Variants in NEDD4 observed in about 807,000 individuals in gnomAD.
The protein encoded by NEDD4 is NEDD4 E3 ubiquitin protein ligase.
In NEDD4, 99 loss-of-function variants were observed where a neutral mutation model predicts 144.9. That is an observed-to-expected ratio of 0.68 (90% CI 0.58 to 0.81). The LOEUF is 0.81. Among genes scored for constraint, NEDD4 ranks in the 30% least tolerant of loss-of-function variants. The pLI, the probability that NEDD4 is intolerant of heterozygous loss-of-function variation, is 0.00. For missense variants in NEDD4, 985 were observed against 1,065.9 expected (o/e 0.92, Z 1.06); for synonymous variants, 318 against 350.6 (o/e 0.91, Z 1.04).
intron 1 of NEDD4, among the ~76,000 whole-genome samples, chr15:55,985,085 G>C (rs2037868277): frequency 6.6e-6 from 1 of 152,194 alleles, no homozygotes; most frequent in Non-Finnish European, 1.5e-5. Flanking sequence ...GTAAGTGACA[G>C]GGCCAGAATT....
intron 5 of NEDD4, chr15:55,915,712 A>C: frequency 6.2e-7 from 1 of 1,614,014 alleles, no homozygotes; most frequent in Non-Finnish European, 8.5e-7. Flanking sequence ...GAAACACAAG[A>C]ATATCCTTCA....
At chr15:55,917,020 C>T in intron 5 of NEDD4, 1 of 1,319,576 alleles carries the variant, frequency 7.6e-7, no homozygotes, top group Non-Finnish European at 9.6e-7. Flanking sequence ...AAAAAGACGA[C>T]CCATTCCAGA....
chr15:55,859,262 G>A (rs2034310872), intron 11 of NEDD4, among the ~76,000 whole-genome samples: 1 of 152,188 alleles, frequency 6.6e-6, no homozygotes, highest in Admixed American at 6.5e-5. Flanking sequence ...AGCATATGCT[G>A]GGATACTTTA....
At chr15:55,906,936 AAAT>A (rs2036120673) in intron 5 of NEDD4, among the ~76,000 whole-genome samples, 1 of 151,856 alleles carries the variant, frequency 6.6e-6, no homozygotes, top group Non-Finnish European at 1.5e-5. Context: ...TCTCTACTAA[AAAT>A]AAAAAAATTA....
chr15:55,857,799 G>A (rs1326630627), intron 11 of NEDD4, among the ~76,000 whole-genome samples: 1 of 152,022 alleles, frequency 6.6e-6, no homozygotes, highest in East Asian at 1.9e-4. Flanking sequence ...ATTAGCAGGG[G>A]TACAATGGCA....
At chr15:55,878,899 T>G (rs1163284388) in intron 5 of NEDD4, among the ~76,000 whole-genome samples, 1 of 152,258 alleles carries the variant, frequency 6.6e-6, no homozygotes, top group African/African-American at 2.4e-5. Flanking sequence ...CTCGACTCAC[T>G]GCAACCTCCG....
At chr15:55,852,055 G>C (rs2034002997) in intron 13 of NEDD4, among the ~76,000 whole-genome samples, 1 of 151,902 alleles carries the variant, frequency 6.6e-6, no homozygotes, top group Non-Finnish European at 1.5e-5. Flanking sequence ...CAGCACTTTA[G>C]GAGGCCGAGG....
At chr15:55,836,136 T>C (rs2033182337) in intron 24 of NEDD4, among the ~76,000 whole-genome samples, 1 of 152,176 alleles carries the variant, frequency 6.6e-6, no homozygotes, top group Non-Finnish European at 1.5e-5. Flanking sequence ...GGCCAATCCC[T>C]CTAGTCCTTC....
chr15:55,976,763 G>A (rs1220700637), intron 1 of NEDD4, among the ~76,000 whole-genome samples: 3 of 151,274 alleles, frequency 2.0e-5, no homozygotes, highest in Non-Finnish European at 4.4e-5. Context: ...CTAAGAGCTG[G>A]GACTACAGGC....
chr15:55,952,350 T>G (rs984698272), intron 2 of NEDD4, among the ~76,000 whole-genome samples: 4 of 151,558 alleles, frequency 2.6e-5, no homozygotes, highest in African/African-American at 9.7e-5. Flanking sequence ...TAAAATAAAA[T>G]AAAATAAAAT....
intron 11 of NEDD4, among the ~76,000 whole-genome samples, chr15:55,858,201 T>C (rs180760882): frequency 2.0e-5 from 3 of 152,284 alleles, no homozygotes; most frequent in Admixed American, 6.5e-5. Flanking sequence ...AATGGCTGCA[T>C]AGTATTACAC....
chr15:55,970,160 G>T (rs1392746904), intron 1 of NEDD4, among the ~76,000 whole-genome samples: 1 of 152,152 alleles, frequency 6.6e-6, no homozygotes, highest in Non-Finnish European at 1.5e-5. Flanking sequence ...TGGTGGCCAT[G>T]GGCAGAGACT....
intron 5 of NEDD4, among the ~76,000 whole-genome samples, chr15:55,886,752 C>T (rs1479659428): frequency 1.5e-5 from 2 of 129,372 alleles, no homozygotes; most frequent in African/African-American, 2.9e-5. Flanking sequence ...AGCAAGACTC[C>T]GTCTCAAAAA....
intron 6 of NEDD4, among the ~76,000 whole-genome samples, chr15:55,872,994 A>G (rs1430493662): frequency 6.6e-6 from 1 of 151,982 alleles, no homozygotes; most frequent in Non-Finnish European, 1.5e-5. Context: ...CTGAAAAAGA[A>G]GTATTTTTTC....
chr15:55,899,697 C>T (rs1263020812), intron 5 of NEDD4, among the ~76,000 whole-genome samples: 1 of 152,170 alleles, frequency 6.6e-6, no homozygotes, highest in African/African-American at 2.4e-5. Context: ...TGTCTTGCAG[C>T]TTGAGACCTA....
chr15:55,941,371 A>C (rs2037000499), intron 4 of NEDD4, among the ~76,000 whole-genome samples: 1 of 152,176 alleles, frequency 6.6e-6, no homozygotes, highest in South Asian at 2.1e-4. Context: ...AAATAGCTTC[A>C]TCCCACATTT....
intron 1 of NEDD4, chr15:55,991,870 A>C (rs1318792369): frequency 6.6e-6 from 1 of 152,260 alleles, no homozygotes; most frequent in African/African-American, 2.4e-5. Context: ...ACTAAAGTAG[A>C]TAATTAAAAA....
chr15:55,916,845 C>G (rs766775926), intron 5 of NEDD4: 10 of 1,579,580 alleles, frequency 6.3e-6, no homozygotes, highest in Non-Finnish European at 8.6e-6. Context: ...TTCTCATTTC[C>G]AAACATGTTA....
At chr15:55,973,206 A>G (rs2037641083) in intron 1 of NEDD4, among the ~76,000 whole-genome samples, 1 of 152,218 alleles carries the variant, frequency 6.6e-6, no homozygotes, top group Non-Finnish European at 1.5e-5. Flanking sequence ...CATATGGATC[A>G]TTCTCAAGGA....
Sources: allele counts gnomAD v4.1 joint callset (sites outside exome capture counted in the v4.1 genomes callset), GRCh38; gene constraint gnomAD v4.1.1; transcripts MANE v1.5; gene names NCBI Gene and HGNC (gene_info 2026-07-23, HGNC 2026-07-21).